Variants in TMEM63C observed in about 807,000 individuals in gnomAD.
TMEM63C encodes the protein osmosensitive cation channel TMEM63C.
TMEM63C carries 32 observed loss-of-function variants against 99.2 expected under a neutral mutation model. The observed-to-expected ratio is 0.32, with a 90% CI of 0.24 to 0.43. The LOEUF (loss-of-function observed/expected upper bound fraction) is 0.43. TMEM63C is among the 20% of genes least tolerant of loss of function. The pLI, the probability that TMEM63C is intolerant of heterozygous loss-of-function variation, is 1.00. For missense variants in TMEM63C, 826 were observed against 1,053.0 expected (o/e 0.78, Z 2.98); for synonymous variants, 376 against 397.9 (o/e 0.94, Z 0.66).
chr14:77,249,197 G>A (rs765762416), intron 20 of TMEM63C, 94 bp from the exon 21 acceptor site: 78 of 1,342,580 alleles, frequency 5.8e-5, no homozygotes, highest in South Asian at 2.8e-4. Flanking sequence ...TCTGACAGCC[G>A]TGGATCTGGC....
In TMEM63C at chr14:77,209,646, G is replaced by C. The variant is rs528827875; in HGVS notation, c.-76-3800G>C. The stretch of plus-strand genomic sequence containing the variant: ...GAGGGTGGGAACAAGGTTCAGACAG[G>C]GCTGGTAATCTGAAAGAGGGTTCAG... On this transcript the variant is annotated intron_variant, in intron 1 of 23. Transcript: ENST00000298351. Among the ~76,000 whole-genome samples the C allele has an allele frequency of 3.9e-5, 6 of 152,294 alleles. No homozygotes were observed. In the South Asian group the frequency reaches 1.2e-3, roughly 32 times the overall value.
chr14:77,219,385 G>T (rs1201243116), intron 3 of TMEM63C, 113 bp from the exon 4 acceptor site: 1 of 1,032,710 alleles, frequency 9.7e-7, no homozygotes, highest in Non-Finnish European at 1.5e-6. Flanking sequence ...TCTAGTGGAG[G>T]AGCTCCCTGG....
chr14:77,226,543 G>A (rs755002784), intron 6 of TMEM63C, among the ~76,000 whole-genome samples: 3 of 152,118 alleles, frequency 2.0e-5, no homozygotes, highest in African/African-American at 4.8e-5. Context: ...ATTCCAACTG[G>A]AAAAGTATAG....
chr14:77,253,093 A>C (rs139121545), intron 22 of TMEM63C, among the ~76,000 whole-genome samples: 1 of 152,226 alleles, frequency 6.6e-6, no homozygotes, highest in East Asian at 1.9e-4. Context: ...GGCCCTTGGG[A>C]ATAGAACATT....
intron 1 of TMEM63C, among the ~76,000 whole-genome samples, chr14:77,192,112 C>T (rs1169434391): frequency 1.3e-5 from 2 of 152,146 alleles, no homozygotes; most frequent in Non-Finnish European, 2.9e-5. Flanking sequence ...GCCATCCTTG[C>T]TCTCTTTTGG....
In TMEM63C at chr14:77,225,899, GGGGC is replaced by G. The variant is rs1888812338; in HGVS notation, c.350+439_350+442del. Among the ~76,000 whole-genome samples, 12 of 152,132 alleles carry G rather than the reference GGGGC, an allele frequency of 7.9e-5. No homozygotes were observed. The South Asian group carries it at 2.5e-3, about 32-fold the overall frequency. On this transcript the variant is annotated intron_variant, in intron 6 of 23. Transcript: ENST00000298351. ...TCGGCCTCAGTGCCTGGAGAGCAGA[GGGGC>G]AGCCCTTGCCCACCTCACCTTGTGG...
intron 1 of TMEM63C, among the ~76,000 whole-genome samples, chr14:77,198,711 G>A (rs1423142005): frequency 6.6e-6 from 1 of 152,188 alleles, no homozygotes; most frequent in African/African-American, 2.4e-5. Context: ...TTTTTGGCAG[G>A]AGCAGGAAAC....
At chr14:77,238,322 C>A (rs1216972704) in intron 9 of TMEM63C, among the ~76,000 whole-genome samples, 1 of 152,206 alleles carries the variant, frequency 6.6e-6, no homozygotes. Flanking sequence ...GTCGCTCTGG[C>A]AGCTCTTTCC....
chr14:77,222,281 T>C (rs1322289360), intron 5 of TMEM63C, among the ~76,000 whole-genome samples: 1 of 152,140 alleles, frequency 6.6e-6, no homozygotes. Context: ...CTCTCCCTCT[T>C]ACCCAGGTCC....
intron 9 of TMEM63C, among the ~76,000 whole-genome samples, chr14:77,238,350 C>G (rs1594865784): frequency 6.6e-6 from 1 of 152,234 alleles, no homozygotes; most frequent in African/African-American, 2.4e-5. Flanking sequence ...GAGCTCTGAT[C>G]CTCCACCCCA....
chr14:77,232,392 A>C (rs1208614824), intron 7 of TMEM63C, among the ~76,000 whole-genome samples: 6 of 152,138 alleles, frequency 3.9e-5, no homozygotes, highest in Non-Finnish European at 8.8e-5. Flanking sequence ...GGTTCAAGTG[A>C]TTCTCCTGCC....
chr14:77,193,814 A>G (rs1888152243), intron 1 of TMEM63C, among the ~76,000 whole-genome samples: 1 of 150,474 alleles, frequency 6.6e-6, no homozygotes, highest in African/African-American at 2.5e-5. Context: ...AGCCTGAGCA[A>G]CAAGAGCGAA....
Position 77,253,360 on chromosome 14 carries a change from C to A in TMEM63C, c.2204C>A (p.Ser735Tyr). 6.2e-7 allele frequency: 1 copy of A among 1,611,922 alleles called. No homozygotes were observed. Among genetic ancestry groups the A allele is most frequent in the Non-Finnish European group, 8.5e-7 (1 of 1,179,220 alleles). The stretch of plus-strand genomic sequence containing the variant: ...GACATGGAGCCAAGCAGCACCTCCT[C>A]CACGCCCACCTCCCTCGTGAGTCCT... Reference protein sequence around the residue: ...VFDMEPSSTSSTPTSLLYVAT... With the variant: ...VFDMEPSSTSYTPTSLLYVAT... The change falls in exon 23 of 24, where the codon TCC (serine) becomes TAC (tyrosine). Residue 735 changes from serine to tyrosine, a missense_variant. Ser to Tyr is a moderately radical substitution (Grantham distance 144, BLOSUM62 -2). Coordinates refer to ENST00000298351, the MANE Select transcript of TMEM63C (RefSeq NM_020431.4).
intron 1 of TMEM63C, among the ~76,000 whole-genome samples, chr14:77,208,303 G>A (rs1888439396): frequency 6.6e-6 from 1 of 152,160 alleles, no homozygotes; most frequent in Non-Finnish European, 1.5e-5. Flanking sequence ...GCCATTACTG[G>A]AGCCACAGAG....
chr14:77,214,668 C>T (rs1042885773), intron 2 of TMEM63C, among the ~76,000 whole-genome samples: 3 of 152,000 alleles, frequency 2.0e-5, no homozygotes, highest in South Asian at 2.1e-4. Context: ...CTTCCCCCCT[C>T]ACTGTCTCCC....
chr14:77,228,388 T>C (rs890828700), intron 6 of TMEM63C, among the ~76,000 whole-genome samples: 1 of 125,012 alleles, frequency 8.0e-6, no homozygotes, highest in African/African-American at 2.6e-5. Context: ...GAAGTTCTCA[T>C]CCATTCCACT....
chr14:77,243,161 C>T, intron 15 of TMEM63C, 105 bp downstream of exon 15: 1 of 1,346,320 alleles, frequency 7.4e-7, no homozygotes, highest in South Asian at 1.3e-5. Context: ...CTGTGGAGCC[C>T]ATACAGTGCG....
chr14:77,184,113 GTAT>G (rs997707837), intron 1 of TMEM63C, among the ~76,000 whole-genome samples: 4 of 152,144 alleles, frequency 2.6e-5, no homozygotes, highest in African/African-American at 7.2e-5. Flanking sequence ...CAAATGGGAA[GTAT>G]TATTCCTGGA....
intron 7 of TMEM63C, 67 bp downstream of exon 7, chr14:77,231,797 G>C: frequency 2.0e-6 from 3 of 1,530,886 alleles, no homozygotes; most frequent in Middle Eastern, 1.7e-4. Context: ...AAGCCAGTCA[G>C]GGCTGGGGTT....
Sources: gnomAD v4.1 joint callset for allele counts (sites outside exome capture counted in the v4.1 genomes callset) on GRCh38, gnomAD v4.1.1 for gene constraint, MANE v1.5 for transcripts, NCBI Gene and HGNC (gene_info 2026-07-23, HGNC 2026-07-21) for gene names.